Variants in PIP5K1B observed in about 807,000 individuals in gnomAD.
The protein encoded by PIP5K1B is phosphatidylinositol-4-phosphate 5-kinase type 1 beta.
PIP5K1B carries 42 observed loss-of-function variants against 67.0 expected under a neutral mutation model. That is an observed-to-expected ratio of 0.63 (90% CI 0.49 to 0.81). The LOEUF is 0.81. Among genes scored for constraint, PIP5K1B ranks in the 30% least tolerant of loss-of-function variants. The pLI is 0.00. For missense variants in PIP5K1B, 459 were observed against 646.3 expected, an observed-to-expected ratio of 0.71 and a Z score of 3.14; for synonymous variants, 214 against 231.4, an observed-to-expected ratio of 0.92 and a Z score of 0.68.
intron 3 of PIP5K1B, among the ~76,000 whole-genome samples, chr9:68,819,369 G>C (rs2151420): frequency 0.73 from 110,914 of 152,014 alleles, 40,814 homozygotes; most frequent in Admixed American, 0.81. Flanking sequence ...AAACTCCTGG[G>C]CTCAAGCAAT....
chr9:68,874,957 A>T (rs1823804950), intron 5 of PIP5K1B, among the ~76,000 whole-genome samples: 1 of 152,196 alleles, frequency 6.6e-6, no homozygotes, highest in African/African-American at 2.4e-5. Flanking sequence ...ATAAATTATT[A>T]CATGCCATAT....
At chr9:68,726,250 A>G (rs1828144093) in intron 1 of PIP5K1B, among the ~76,000 whole-genome samples, 1 of 152,176 alleles carries the variant, frequency 6.6e-6, no homozygotes, top group Non-Finnish European at 1.5e-5. Context: ...CCATAAATAT[A>G]TACACCTTCT....
At chr9:68,930,671 A>G (rs1184480188) in intron 12 of PIP5K1B, among the ~76,000 whole-genome samples, 10 of 151,292 alleles carry the variant, frequency 6.6e-5, no homozygotes, top group Non-Finnish European at 2.9e-5. Context: ...ATTCAATCCA[A>G]TTTCCACACA....
Position 68,945,017 on chromosome 9 carries a change from G to A in PIP5K1B, c.1502+4227G>A, listed in dbSNP as rs149542256. Among the ~76,000 whole-genome samples the A allele has an allele frequency of 9.2e-5, 14 of 151,754 alleles. No individual in the cohort carries two copies. The East Asian group carries it at 2.5e-3, about 27-fold the overall frequency. On this transcript the variant is annotated intron_variant, in intron 14 of 15. Transcript: ENST00000265382. The stretch of plus-strand genomic sequence containing the variant: ...ATAGCCTCCAAAAACATACAAGGTT[G>A]GTTGGTTGGTTTTTTTCCTAACATG...
chr9:68,882,022 C>T (rs1824222764), intron 6 of PIP5K1B, among the ~76,000 whole-genome samples: 1 of 152,236 alleles, frequency 6.6e-6, no homozygotes. Flanking sequence ...TTTACACTGG[C>T]AGGGCCCAGC....
At chr9:68,931,620 A>G (rs1028387032) in intron 12 of PIP5K1B, among the ~76,000 whole-genome samples, 3 of 152,252 alleles carry the variant, frequency 2.0e-5, no homozygotes, top group African/African-American at 7.2e-5. Flanking sequence ...TGTAACCCAG[A>G]GTTCATTAAG....
intron 8 of PIP5K1B, among the ~76,000 whole-genome samples, chr9:68,902,777 G>A (rs1198797143): frequency 6.6e-6 from 1 of 152,198 alleles, no homozygotes. Flanking sequence ...AGCATCTGCT[G>A]TTGTCACTAT....
At chr9:68,884,523 G>T (rs769268899) in intron 6 of PIP5K1B, among the ~76,000 whole-genome samples, 1 of 151,946 alleles carries the variant, frequency 6.6e-6, no homozygotes, top group African/African-American at 2.4e-5. Flanking sequence ...AATTATTCGG[G>T]CATGGTGGCA....
chr9:68,876,640 T>C, intron 5 of PIP5K1B, 37 bp from the exon 6 acceptor site: 1 of 1,150,932 alleles, frequency 8.7e-7, no homozygotes. Flanking sequence ...GCTAATGTGT[T>C]CTTTCTTTCT....
chr9:68,978,304 A>G (rs999641012), intron 14 of PIP5K1B, among the ~76,000 whole-genome samples: 6 of 152,186 alleles, frequency 3.9e-5, no homozygotes, highest in African/African-American at 1.4e-4. Context: ...ACCAGTAACT[A>G]TCATTCTAGT....
intron 1 of PIP5K1B, among the ~76,000 whole-genome samples, chr9:68,741,268 C>T (rs1828993681): frequency 1.3e-5 from 2 of 152,156 alleles, no homozygotes; most frequent in African/African-American, 4.8e-5. Context: ...TATCCCATGT[C>T]ATCTGAGTAG....
At chr9:68,880,808 A>G (rs1388742682) in intron 6 of PIP5K1B, among the ~76,000 whole-genome samples, 3 of 152,264 alleles carry the variant, frequency 2.0e-5, no homozygotes, top group African/African-American at 7.2e-5. Flanking sequence ...CTGGTCCCCA[A>G]CAGCTGCTGC....
rs547187293 is a variant in PIP5K1B, at chr9:68,755,060, G to T, written c.-86+12403G>T. The stretch of plus-strand genomic sequence containing the variant: ...CTTTCTGCCTTGCTGAACTTTGAAA[G>T]ATCTGTAAGAATTTGAAGTGCATCA... On this transcript the variant is annotated intron_variant, in intron 2 of 15. Transcript: ENST00000265382. Among the ~76,000 whole-genome samples, 10 of 152,314 alleles carry T rather than the reference G, an allele frequency of 6.6e-5. 1 individual carries two copies. The South Asian group carries it at 8.3e-4, about 13-fold the overall frequency.
chr9:68,993,668 C>A (rs1284451302), intron 15 of PIP5K1B, among the ~76,000 whole-genome samples: 1 of 152,106 alleles, frequency 6.6e-6, no homozygotes, highest in Admixed American at 6.5e-5. Context: ...CATTTTTGGT[C>A]CCATGTTGGA....
chr9:68,837,838 A>G (rs1367613394), intron 4 of PIP5K1B, among the ~76,000 whole-genome samples: 1 of 151,926 alleles, frequency 6.6e-6, no homozygotes, highest in Non-Finnish European at 1.5e-5. Flanking sequence ...TAAGGTCACT[A>G]TCTCTAAAAA....
rs367865297 is a variant in PIP5K1B at position 69,006,886 on chromosome 9, T to C, written c.1621-1561T>C. 2.6e-5 allele frequency among the ~76,000 whole-genome samples: 4 copies of C among 152,354 alleles called. No individual in the cohort carries two copies. The East Asian group carries it at 7.7e-4, about 29-fold the overall frequency. ...ATCATTTTATGTGGGTTGTTTTGTATGTCACTGGTTTTGTGAGAGACCTGC... is the reference window on the plus strand; with the variant it reads ...ATCATTTTATGTGGGTTGTTTTGTACGTCACTGGTTTTGTGAGAGACCTGC... On this transcript the variant is annotated intron_variant, in intron 15 of 15. Transcript: ENST00000265382.
chr9:68,984,889 G>C (rs1830033661), intron 14 of PIP5K1B, among the ~76,000 whole-genome samples: 1 of 152,182 alleles, frequency 6.6e-6, no homozygotes, highest in African/African-American at 2.4e-5. Context: ...TAGCAGCAAT[G>C]ACTGTAAAAA....
At chr9:68,861,903 T>G (rs938321786) in intron 4 of PIP5K1B, among the ~76,000 whole-genome samples, 1 of 69,046 alleles carries the variant, frequency 1.4e-5, no homozygotes, top group African/African-American at 5.3e-5. Flanking sequence ...TTGTTTTTTG[T>G]TTTTTTTTTT....
chr9:68,987,423 G>A (rs1219773949), intron 14 of PIP5K1B, among the ~76,000 whole-genome samples: 2 of 151,978 alleles, frequency 1.3e-5, no homozygotes, highest in African/African-American at 4.8e-5. Context: ...TTAGCAGGGC[G>A]TGGTGGCAAG....
Sources: allele counts gnomAD v4.1 joint callset (sites outside exome capture counted in the v4.1 genomes callset), GRCh38; gene constraint gnomAD v4.1.1; transcripts MANE v1.5; gene names NCBI Gene and HGNC (gene_info 2026-07-23, HGNC 2026-07-21).